CCDC57: variants seen among roughly 807,000 people sequenced by gnomAD.
CCDC57 encodes the protein coiled-coil domain-containing protein 57.
A neutral mutation model predicts 118.9 loss-of-function variants in CCDC57; 118 were observed. The ratio of observed to expected loss-of-function variants is 0.99; its 90% CI spans 0.86 to 1.16. The LOEUF (loss-of-function observed/expected upper bound fraction) is 1.16. Ranked by LOEUF, CCDC57 falls within the 50% of genes most tolerant of loss-of-function variation. The probability of loss-of-function intolerance (pLI) is 0.00; values close to 1 mark genes in which losing one functional copy is unlikely to be tolerated. For synonymous variants in CCDC57, 527 were observed against 532.9 expected, an observed-to-expected ratio of 0.99 and a Z score of 0.15; for missense variants, 1,300 against 1,320.7, an observed-to-expected ratio of 0.98 and a Z score of 0.24.
At chr17:82,176,159 A>G (rs1249928006) in intron 11 of CCDC57, among the ~76,000 whole-genome samples, 1 of 152,164 alleles carries the variant, frequency 6.6e-6, no homozygotes, top group East Asian at 1.9e-4. Flanking sequence ...GCCCTGCCGC[A>G]CTACAGTCTA....
rs1021677555 is a variant in CCDC57 at position 82,111,118 on chromosome 17, C to T, written c.2900-9252G>A. Among the ~76,000 whole-genome samples, 16 of 152,120 alleles carry T rather than the reference C, an allele frequency of 1.1e-4. No individual in the cohort carries two copies. In the South Asian group the frequency reaches 2.1e-3, roughly 20 times the overall value. ...TTTTTGTTTTTGTTTTGTTTTGGGA[C>T]GGAGTCTTGCTCTGTTGCCCAGGCT... On this transcript the variant is annotated intron_variant, in intron 19 of 19. Transcript: ENST00000665763.
At chr17:82,134,003 T>C in intron 17 of CCDC57, 70 bp downstream of exon 16, 1 of 1,282,722 alleles carries the variant, frequency 7.8e-7, no homozygotes, top group South Asian at 2.6e-5. Flanking sequence ...AATCTGAAGT[T>C]TCTGTAATGA....
At chr17:82,165,051 G>A (rs916928796) in intron 13 of CCDC57, among the ~76,000 whole-genome samples, 1 of 152,178 alleles carries the variant, frequency 6.6e-6, no homozygotes, top group Non-Finnish European at 1.5e-5. Flanking sequence ...GCTGGGTGTG[G>A]TGGCTCACAC....
rs139659754 is a variant in CCDC57 at position 82,134,284 on chromosome 17, T to C, written c.2456-90A>G. On this transcript the variant is annotated intron_variant, in intron 16 of 19. Coordinates refer to ENST00000665763, the Ensembl canonical transcript of CCDC57. ...ATGCAAACACTCAGAAAGAACAGCA[T>C]GTTCCTTTTCAAAACCAAAGTAACT... 1,668 of 1,236,926 alleles carry C rather than the reference T, an allele frequency of 1.3e-3. 8 individuals are homozygous for C. Among genetic ancestry groups the C allele is most frequent in the South Asian group, 4.1e-3 (104 of 25,578 alleles). The allele number at this position is 1,236,926 out of a possible 1,614,324, so 76.6% of individuals were successfully genotyped here.
intron 7 of CCDC57, among the ~76,000 whole-genome samples, chr17:82,188,676 G>A (rs1480717147): frequency 2.6e-5 from 4 of 152,244 alleles, no homozygotes; most frequent in Non-Finnish European, 4.4e-5. Flanking sequence ...AAAAGGAGGT[G>A]CATAGAGCAC....
At chr17:82,154,873 C>T (rs1210801943) in intron 15 of CCDC57, 1 of 152,446 alleles carries the variant, frequency 6.6e-6, no homozygotes, top group East Asian at 1.9e-4. Flanking sequence ...TCCAGGGTCC[C>T]ACCTGGCATT....
Position 82,172,614 on chromosome 17 carries a change from T to C in CCDC57, c.1729+24A>G, listed in dbSNP as rs2044889228. On this transcript the variant is annotated intron_variant, in intron 12 of 19. Transcript: ENST00000665763. The surrounding 1 kb of genome is among the most constrained non-coding windows in gnomAD (Gnocchi z 5.2). ...CCCTCTCCCCCTTCCTCTCCCGCTC[T>C]GTCCGTTTCTCCCACTTACTCACCA... is the stretch of plus-strand genomic sequence containing the variant. 3.9e-6 allele frequency: 6 copies of C among 1,544,106 alleles called. No homozygotes were observed. In the South Asian group the frequency reaches 6.0e-5, roughly 15 times the overall value.
Position 82,212,125 on chromosome 17 carries a change from T to C in CCDC57, c.-211+660A>G, listed in dbSNP as rs893434398. On this transcript the variant is annotated intron_variant, in intron 1 of 19. Transcript: ENST00000665763. This position sits in a 1 kb window ranked among gnomAD's most constrained non-coding sequence, Gnocchi z 4.1. ...TCAGTCGCTGGCAATACAGGACTCC[T>C]GAGTAGTCTCAGAGTGTGGCGTTCT... Among the ~76,000 whole-genome samples, 2 of 152,218 alleles carry C rather than the reference T, an allele frequency of 1.3e-5. No individual in the cohort carries two copies. Among genetic ancestry groups the C allele is most frequent in the African/African-American group, 4.8e-5 (2 of 41,458 alleles).
intron 8 of CCDC57, among the ~76,000 whole-genome samples, chr17:82,186,779 A>C (rs1471467445): frequency 6.6e-6 from 1 of 152,076 alleles, no homozygotes; most frequent in Non-Finnish European, 1.5e-5. Context: ...TCGTTTCTAC[A>C]AAAAATACAA....
At chr17:82,203,466 TA>T (rs1198341436) in intron 2 of CCDC57, among the ~76,000 whole-genome samples, 1 of 152,088 alleles carries the variant, frequency 6.6e-6, no homozygotes, top group East Asian at 1.9e-4. Flanking sequence ...GATATTTTGG[TA>T]AAACCATAAA....
In CCDC57 at chr17:82,118,065, A is replaced by G. The variant is rs1266683218; in HGVS notation, c.2899+9627T>C. Among the ~76,000 whole-genome samples the G allele has an allele frequency of 2.0e-5, 3 of 152,226 alleles. No homozygotes were observed. The highest frequency in any genetic ancestry group is 4.4e-5 in the Non-Finnish European group (3 of 68,048). ...GCGGCGGCTCACAAAACTACCAGAAAGATCTGTCGGCTCTGTGTGTACTGA... is the reference window on the plus strand; with the variant it reads ...GCGGCGGCTCACAAAACTACCAGAAGGATCTGTCGGCTCTGTGTGTACTGA... On this transcript the variant is annotated intron_variant, in intron 19 of 19. Transcript: ENST00000665763. This position sits in a 1 kb window ranked among gnomAD's most constrained non-coding sequence, Gnocchi z 4.7.
At chr17:82,194,299 G>C in intron 5 of CCDC57, 160 bp from the exon 5 acceptor site, 2 of 670,206 alleles carry the variant, frequency 3.0e-6, no homozygotes, top group East Asian at 2.9e-5. Flanking sequence ...ACTCAAACGA[G>C]ACTCAATGAC....
At chr17:82,197,062 T>TGCA (rs2048395717) in intron 4 of CCDC57, among the ~76,000 whole-genome samples, 2 of 70,234 alleles carry the variant, frequency 2.8e-5, no homozygotes, top group South Asian at 4.9e-4. Context: ...CCCTCGTGAC[T>TGCA]CCTGCAGAGA....
chr17:82,103,220 A>G (rs1194333615), intron 19 of CCDC57, among the ~76,000 whole-genome samples: 1 of 152,054 alleles, frequency 6.6e-6, no homozygotes. Flanking sequence ...TTCCCATCTC[A>G]GCTTCTTCCA....
intron 8 of CCDC57, among the ~76,000 whole-genome samples, chr17:82,186,051 A>G (rs2046888014): frequency 6.6e-6 from 1 of 151,970 alleles, no homozygotes; most frequent in Non-Finnish European, 1.5e-5. Flanking sequence ...CCCAGGCTCA[A>G]GTGATCCTCC....
chr17:82,174,192 G>A (rs2045155820), intron 11 of CCDC57, among the ~76,000 whole-genome samples: 1 of 152,232 alleles, frequency 6.6e-6, no homozygotes, highest in Non-Finnish European at 1.5e-5. Context: ...CAAGATCTGG[G>A]CCCTTCCCAG....
intron 16 of CCDC57, among the ~76,000 whole-genome samples, chr17:82,149,283 T>G (rs1444360309): frequency 2.0e-5 from 3 of 149,112 alleles, no homozygotes; most frequent in Non-Finnish European, 4.5e-5. Flanking sequence ...AATGGATGGA[T>G]AGATGGATGG....
At chr17:82,126,945 C>T (rs11658335) in intron 19 of CCDC57, 568,766 of 985,092 alleles carry the variant, frequency 0.58, 166,226 homozygotes, top group Non-Finnish European at 0.59. Flanking sequence ...CGCACGCTCC[C>T]GCCCCAACCA....
chr17:82,209,149 G>C (rs1365715358), intron 1 of CCDC57, among the ~76,000 whole-genome samples: 1 of 152,132 alleles, frequency 6.6e-6, no homozygotes, highest in Admixed American at 6.6e-5. Flanking sequence ...ACTGAAATAA[G>C]AGAGATGGGC....
Sources: gnomAD v4.1 joint callset for allele counts (sites outside exome capture counted in the v4.1 genomes callset) on GRCh38, gnomAD v4.1.1 for gene constraint, Gnocchi (gnomAD v3.1) non-coding constraint, MANE v1.5 for transcripts, NCBI Gene and HGNC (gene_info 2026-07-23, HGNC 2026-07-21) for gene names.